The following PLPP4 variants were observed in gnomAD, a reference collection of about 807,000 sequenced individuals.
PLPP4 encodes phospholipid phosphatase 4.
A neutral mutation model predicts 32.2 loss-of-function variants in PLPP4; 20 were observed. That is an observed-to-expected ratio of 0.62 (90% confidence interval 0.44 to 0.90). The LOEUF (loss-of-function observed/expected upper bound fraction) is 0.90. Ranked by LOEUF, PLPP4 falls within the 40% of genes least tolerant of loss-of-function variation. The pLI is 0.00. For synonymous variants in PLPP4, 127 were observed against 133.0 expected, an observed-to-expected ratio of 0.95 and a Z score of 0.31; for missense variants, 257 against 353.1, an observed-to-expected ratio of 0.73 and a Z score of 2.18.
intron 1 of PLPP4, among the ~76,000 whole-genome samples, chr10:120,499,418 T>TG (rs1336568821): frequency 6.6e-6 from 1 of 152,134 alleles, no homozygotes; most frequent in African/African-American, 2.4e-5. Flanking sequence ...CTTTTTTTTT[T>TG]TTTTAAATGG....
At chr10:120,502,380 G>A (rs1024691166) in intron 1 of PLPP4, among the ~76,000 whole-genome samples, 6 of 152,192 alleles carry the variant, frequency 3.9e-5, no homozygotes, top group Admixed American at 3.9e-4. Context: ...GAGACAGGGA[G>A]AGAGACACAG....
chr10:120,486,082 A>C (rs1175892625), intron 1 of PLPP4, among the ~76,000 whole-genome samples: 1 of 152,152 alleles, frequency 6.6e-6, no homozygotes, highest in African/African-American at 2.4e-5. Flanking sequence ...GAGGTTTAGA[A>C]ACACAGATGC....
chr10:120,527,469 C>T (rs559971956), intron 5 of PLPP4, among the ~76,000 whole-genome samples: 47 of 152,276 alleles, frequency 3.1e-4, no homozygotes, highest in African/African-American at 1.1e-3. Flanking sequence ...CTTACTTAAA[C>T]TCAATTGATT....
intron 1 of PLPP4, among the ~76,000 whole-genome samples, chr10:120,475,297 T>C (rs1211357975): frequency 2.6e-5 from 4 of 151,884 alleles, no homozygotes; most frequent in African/African-American, 7.3e-5. Flanking sequence ...ACTCAGAGCC[T>C]CCTTGTTGCT....
At chr10:120,515,301 C>T (rs1020384397) in intron 3 of PLPP4, among the ~76,000 whole-genome samples, 1 of 152,222 alleles carries the variant, frequency 6.6e-6, no homozygotes, top group African/African-American at 2.4e-5. Flanking sequence ...ATGACCACTG[C>T]AATGTGCCTT....
At chr10:120,551,726 C>T (rs750037005) in intron 5 of PLPP4, among the ~76,000 whole-genome samples, 3 of 152,180 alleles carry the variant, frequency 2.0e-5, no homozygotes, top group East Asian at 1.9e-4. Flanking sequence ...AGAGCTGTAA[C>T]GGATTATTCT....
intron 1 of PLPP4, among the ~76,000 whole-genome samples, chr10:120,479,875 G>T (rs1377836604): frequency 6.6e-6 from 1 of 152,160 alleles, no homozygotes; most frequent in Admixed American, 6.5e-5. Context: ...TGAAATAACT[G>T]GAGGTTGTAA....
chr10:120,460,711 C>A (rs1433528329), intron 1 of PLPP4, among the ~76,000 whole-genome samples: 1 of 152,194 alleles, frequency 6.6e-6, no homozygotes, highest in Non-Finnish European at 1.5e-5. Context: ...TCTGGACTCT[C>A]AATCACTTTG....
At chr10:120,532,681 T>A (rs1347492613) in intron 5 of PLPP4, among the ~76,000 whole-genome samples, 1 of 152,188 alleles carries the variant, frequency 6.6e-6, no homozygotes, top group Non-Finnish European at 1.5e-5. Context: ...ACTTACTGTC[T>A]CTATAATTTG....
In PLPP4 at chr10:120,591,282, C is replaced by T. The variant is rs55735959; in HGVS notation, c.*1780C>T. 0.082 allele frequency among the ~76,000 whole-genome samples: 12,482 copies of T among 152,226 alleles called. 947 individuals carry two copies. The highest frequency in any genetic ancestry group is 0.39 in the East Asian group (1,999 of 5,164). On this transcript the variant is annotated 3_prime_UTR_variant, in exon 7 of 7. Transcript: ENST00000398250. The stretch of plus-strand genomic sequence containing the variant: ...CCATGAGCCCCAGTGCAGCCCTCTC[C>T]AGCCCTGGTCCTTCCAAACTGGCTT...
rs563601770 is a variant in PLPP4 at position 120,543,393 on chromosome 10, A to G, written c.445+22298A>G. ...TGGCCTGTTACCCCTGATAGCTCCTATGGTGGGAAGAGCTGGAGCTTGTGA... is the reference window on the plus strand; with the variant it reads ...TGGCCTGTTACCCCTGATAGCTCCTGTGGTGGGAAGAGCTGGAGCTTGTGA... On this transcript the variant is annotated intron_variant, in intron 5 of 6. Coordinates refer to ENST00000398250, the MANE Select transcript of PLPP4 (RefSeq NM_001030059.3). 3.3e-5 allele frequency among the ~76,000 whole-genome samples: 5 copies of G among 152,214 alleles called. No individual in the cohort carries two copies. The South Asian group carries it at 1.0e-3, about 32-fold the overall frequency.
At chr10:120,516,099 A>G (rs1022121723) in intron 3 of PLPP4, among the ~76,000 whole-genome samples, 1 of 152,200 alleles carries the variant, frequency 6.6e-6, no homozygotes, top group South Asian at 2.1e-4. Context: ...TATAAAAATG[A>G]TGAACAGCCT....
intron 1 of PLPP4, among the ~76,000 whole-genome samples, chr10:120,465,926 C>A (rs1294757398): frequency 6.6e-6 from 1 of 152,034 alleles, no homozygotes; most frequent in Non-Finnish European, 1.5e-5. Context: ...TGCTCCAATT[C>A]ATTTATTCAT....
chr10:120,577,165 C>T (rs1849261106), intron 6 of PLPP4, among the ~76,000 whole-genome samples: 1 of 152,210 alleles, frequency 6.6e-6, no homozygotes, highest in African/African-American at 2.4e-5. Flanking sequence ...GTTTCCCAAA[C>T]AACTGACTTG....
chr10:120,537,045 G>A (rs547748812), intron 5 of PLPP4, among the ~76,000 whole-genome samples: 2 of 152,254 alleles, frequency 1.3e-5, no homozygotes, highest in Admixed American at 6.5e-5. Flanking sequence ...GATAATAAAT[G>A]TTGGCGAAGT....
At chr10:120,537,053 A>G (rs1345270263) in intron 5 of PLPP4, among the ~76,000 whole-genome samples, 1 of 152,130 alleles carries the variant, frequency 6.6e-6, no homozygotes, top group African/African-American at 2.4e-5. Context: ...ATGTTGGCGA[A>G]GTTGTGGAGA....
intron 5 of PLPP4, among the ~76,000 whole-genome samples, chr10:120,561,714 G>A (rs1034661100): frequency 6.6e-6 from 1 of 152,184 alleles, no homozygotes; most frequent in African/African-American, 2.4e-5. Flanking sequence ...AACAGAGGCT[G>A]TGTTACTATC....
intron 4 of PLPP4, among the ~76,000 whole-genome samples, chr10:120,520,412 C>A (rs1846101475): frequency 6.6e-6 from 1 of 152,200 alleles, no homozygotes; most frequent in African/African-American, 2.4e-5. Context: ...TGAAATAGAT[C>A]AAGCGGTAGA....
intron 5 of PLPP4, among the ~76,000 whole-genome samples, chr10:120,544,514 C>T (rs1847518144): frequency 2.6e-5 from 4 of 152,192 alleles, no homozygotes; most frequent in African/African-American, 7.2e-5. Context: ...GCCCAGCTCA[C>T]ACCCCCACCT....
Sources: gnomAD v4.1 joint callset for allele counts (sites outside exome capture counted in the v4.1 genomes callset) on GRCh38, gnomAD v4.1.1 for gene constraint, MANE v1.5 for transcripts, NCBI Gene and HGNC (gene_info 2026-07-23, HGNC 2026-07-21) for gene names.